The following DNMT3A variants were observed in gnomAD, a reference collection of about 807,000 sequenced individuals.
The protein encoded by DNMT3A is DNA (cytosine-5)-methyltransferase 3A.
In DNMT3A, 267 loss-of-function variants were observed where a neutral mutation model predicts 117.6. That is an observed-to-expected ratio of 2.27 (90% CI 2.05 to 2.51). The LOEUF (loss-of-function observed/expected upper bound fraction) is 2.51. DNMT3A is among the 30% of genes most tolerant of loss of function. The pLI is 0.00. For missense variants in DNMT3A, 1,029 were observed against 1,260.2 expected, an observed-to-expected ratio of 0.82 and a Z score of 2.78; for synonymous variants, 432 against 474.8, an observed-to-expected ratio of 0.91 and a Z score of 1.17.
chr2:25,283,201 A>C (rs1233611639), intron 3 of DNMT3A, among the ~76,000 whole-genome samples: 1 of 152,014 alleles, frequency 6.6e-6, no homozygotes, highest in African/African-American at 2.4e-5. Flanking sequence ...CATCTCTACT[A>C]AAAATACAAA....
chr2:25,235,617 A>C (rs1673263937), intron 22 of DNMT3A, 90 bp downstream of exon 22: 2 of 1,028,746 alleles, frequency 1.9e-6, no homozygotes, highest in African/African-American at 1.6e-5. Context: ...TGTGGAAAAC[A>C]AGTCAGGTGG....
intron 6 of DNMT3A, among the ~76,000 whole-genome samples, chr2:25,253,268 G>A (rs1675813943): frequency 6.6e-6 from 1 of 152,176 alleles, no homozygotes; most frequent in African/African-American, 2.4e-5. Context: ...TGTAGGATCA[G>A]ATAAAGAAAT....
intron 1 of DNMT3A, chr2:25,328,709 C>T (rs767557767): frequency 1.9e-6 from 1 of 514,054 alleles, no homozygotes; most frequent in East Asian, 5.7e-5. Flanking sequence ...CCTAGAGCGA[C>T]CCCCCACAAT....
chr2:25,238,946 G>A (rs1457728117), intron 20 of DNMT3A, among the ~76,000 whole-genome samples, 184 bp downstream of exon 20: 2 of 152,234 alleles, frequency 1.3e-5, no homozygotes, highest in African/African-American at 4.8e-5. Context: ...GGTTTCAGAC[G>A]AGTATTTTCT....
chr2:25,336,016 A>C (rs1573514991), intron 1 of DNMT3A, among the ~76,000 whole-genome samples: 1 of 151,508 alleles, frequency 6.6e-6, no homozygotes, highest in East Asian at 1.9e-4. Flanking sequence ...AGGCGTCTGC[A>C]CCTCCCTTAC....
chr2:25,280,312 G>GCCTCCCCACCCCCCA (rs1558702901), intron 4 of DNMT3A, among the ~76,000 whole-genome samples: 2 of 32,744 alleles, frequency 6.1e-5, no homozygotes, highest in Non-Finnish European at 1.3e-4. Context: ...CCCACCCCCC[G>GCCTCCCCACCCCCCA]CCTCCCCGCC....
Position 25,246,084 on chromosome 2 carries a change from G to A in DNMT3A, c.1430-20C>T, listed in dbSNP as rs202235531. On this transcript the variant is annotated intron_variant, in intron 11 of 22. Transcript: ENST00000321117. ...GCCGCTCTGCAAGGGGAGGAGAGCT[G>A]GCGTCAGAGGAGGCCGCGCCTGCTC... 6.2e-7 allele frequency: 1 copy of A among 1,614,192 alleles called. No homozygotes were observed. The highest frequency in any genetic ancestry group is 1.3e-5 in the African/African-American group (1 of 75,062).
At chr2:25,243,864 G>C in intron 16 of DNMT3A, 34 bp downstream of exon 16, 1 of 1,551,278 alleles carries the variant, frequency 6.4e-7, no homozygotes, top group Non-Finnish European at 8.7e-7. Flanking sequence ...CCTGGGACAA[G>C]GCGGCCAGCA....
At chr2:25,235,981 G>A (rs1673317992) in intron 21 of DNMT3A, among the ~76,000 whole-genome samples, 156 bp from the exon 22 acceptor site, 1 of 152,176 alleles carries the variant, frequency 6.6e-6, no homozygotes, top group Non-Finnish European at 1.5e-5. Flanking sequence ...GAGTTCGCAG[G>A]GCAGGAGCCT....
chr2:25,255,920 G>T (rs1325557409), intron 6 of DNMT3A, among the ~76,000 whole-genome samples: 1 of 152,052 alleles, frequency 6.6e-6, no homozygotes, highest in South Asian at 2.1e-4. Context: ...CATGCCTGAC[G>T]TTTTACTCAA....
chr2:25,330,700 G>C (rs1320908705), intron 1 of DNMT3A, among the ~76,000 whole-genome samples: 1 of 152,108 alleles, frequency 6.6e-6, no homozygotes, highest in Non-Finnish European at 1.5e-5. Flanking sequence ...CCAGCTACAG[G>C]GCAAGGTCCC....
Position 25,304,074 on chromosome 2 carries a change from C to T in DNMT3A, c.73-3831G>A, listed in dbSNP as rs1261387623. 2.0e-5 allele frequency among the ~76,000 whole-genome samples: 3 copies of T among 152,164 alleles called. No homozygotes were observed. Among genetic ancestry groups the T allele is most frequent in the African/African-American group, 7.2e-5 (3 of 41,438 alleles). The stretch of plus-strand genomic sequence containing the variant: ...ACATGGGACAGCTGAAGAACAGTAA[C>T]ACAGTTCGCGGGAACAGATTTGAGC... On this transcript the variant is annotated intron_variant, in intron 2 of 22. Transcript: ENST00000321117. This position sits in a 1 kb window ranked among gnomAD's most constrained non-coding sequence, Gnocchi z 4.3.
chr2:25,257,274 T>A lies in DNMT3A; in HGVS notation c.640-9022A>T, dbSNP rs1476375749. Among the ~76,000 whole-genome samples the A allele has an allele frequency of 6.6e-6, 1 of 152,034 alleles. No individual in the cohort carries two copies. The highest frequency in any genetic ancestry group is 1.5e-5 in the Non-Finnish European group (1 of 67,988). On this transcript the variant is annotated intron_variant, in intron 6 of 22. Transcript: ENST00000321117. The surrounding 1 kb of genome is among the most constrained non-coding windows in gnomAD (Gnocchi z 4.8). ...GATGTGCACCCGGAGAGCAGAGGGG[T>A]CCAAAGGCTCGCACCTAGCGGTGTT...
intron 2 of DNMT3A, 100 bp from the exon 3 acceptor site, chr2:25,300,343 GCCT>G (rs1373062007): frequency 7.5e-7 from 1 of 1,335,186 alleles, no homozygotes; most frequent in Non-Finnish European, 1.0e-6. Flanking sequence ...TCCAGCCCCA[GCCT>G]CCTCCTGTCC....
Position 25,230,460 on chromosome 2 carries a change from C to G in DNMT3A, c.*3819G>C, listed in dbSNP as rs897595580. The G allele has an allele frequency of 2.6e-5, 4 of 152,212 alleles. No homozygotes were observed. The highest frequency in any genetic ancestry group is 7.2e-5 in the African/African-American group (3 of 41,450). 9.4% of individuals were successfully genotyped at this position (152,212 alleles called of 1,614,324 possible). A position where few individuals can be genotyped will look rare whatever the true frequency, so the allele number is the denominator to read the frequency against. ...GGAAGCTGTCATCAGCCCCCAGAAC[C>G]CTTGTTTCTAAGGGGGAAATGGGCC... is the stretch of plus-strand genomic sequence containing the variant. On this transcript the variant is annotated 3_prime_UTR_variant, in exon 23 of 23. Transcript: ENST00000321117.
chr2:25,249,789 G>A, intron 6 of DNMT3A: 1 of 1,572,820 alleles, frequency 6.4e-7, no homozygotes, highest in Non-Finnish European at 8.8e-7. Flanking sequence ...ACTGAATCTA[G>A]GAAACACGGC....
At chr2:25,241,488 G>A (rs2149276971) in intron 17 of DNMT3A, 74 bp downstream of exon 17, 3 of 1,527,628 alleles carry the variant, frequency 2.0e-6, no homozygotes, top group Non-Finnish European at 2.6e-6. Context: ...AAAATGAAAG[G>A]AGGCAAGGGC....
At chr2:25,289,787 G>C (rs1330024127) in intron 3 of DNMT3A, among the ~76,000 whole-genome samples, 1 of 152,190 alleles carries the variant, frequency 6.6e-6, no homozygotes, top group Non-Finnish European at 1.5e-5. Flanking sequence ...AGGCAAGGAG[G>C]AGCCCTCTGC....
At chr2:25,332,492 C>T (rs933382422) in intron 1 of DNMT3A, among the ~76,000 whole-genome samples, 1 of 152,242 alleles carries the variant, frequency 6.6e-6, no homozygotes, top group Non-Finnish European at 1.5e-5. Context: ...GTGTGACCCC[C>T]TTCATCTATG....
Sources: allele counts gnomAD v4.1 joint callset (sites outside exome capture counted in the v4.1 genomes callset), GRCh38; gene constraint gnomAD v4.1.1; non-coding constraint Gnocchi (gnomAD v3.1); transcripts MANE v1.5; gene names NCBI Gene and HGNC (gene_info 2026-07-23, HGNC 2026-07-21).